MOGAT1: variants seen among roughly 807,000 people sequenced by gnomAD.
MOGAT1 encodes monoacylglycerol O-acyltransferase 1.
In MOGAT1, 32 loss-of-function variants were observed where a neutral mutation model predicts 31.4. The ratio of observed to expected loss-of-function variants is 1.02; its 90% confidence interval spans 0.77 to 1.37. The LOEUF (loss-of-function observed/expected upper bound fraction) is 1.37, where lower values mean the gene tolerates loss of function less well. MOGAT1 is among the 40% of genes most tolerant of loss of function. The pLI is 0.00. For synonymous variants in MOGAT1, 145 were observed against 144.5 expected, an observed-to-expected ratio of 1.00 and a Z score of -0.03; for missense variants, 426 against 402.0, an observed-to-expected ratio of 1.06 and a Z score of -0.51.
At chr2:222,678,532 A>G (rs1419187402) in intron 1 of MOGAT1, among the ~76,000 whole-genome samples, 2 of 152,298 alleles carry the variant, frequency 1.3e-5, no homozygotes, top group East Asian at 3.9e-4. Flanking sequence ...CAGTCTATGG[A>G]TTATCCTTTC....
intron 5 of MOGAT1, among the ~76,000 whole-genome samples, chr2:222,708,926 A>G (rs1398627293): frequency 6.6e-6 from 1 of 152,228 alleles, no homozygotes; most frequent in Non-Finnish European, 1.5e-5. Flanking sequence ...TTGAGACGTT[A>G]GCTGTTTTTC....
At chr2:222,685,406 C>T (rs530156566) in intron 1 of MOGAT1, among the ~76,000 whole-genome samples, 8 of 152,230 alleles carry the variant, frequency 5.3e-5, no homozygotes, top group African/African-American at 1.7e-4. Flanking sequence ...AGATCAAGAG[C>T]TCATAGAATT....
chr2:222,684,570 T>G (rs566554177), intron 1 of MOGAT1, among the ~76,000 whole-genome samples: 1 of 152,250 alleles, frequency 6.6e-6, no homozygotes, highest in East Asian at 1.9e-4. Flanking sequence ...TGCTTAGCCA[T>G]CCAGTATCTT....
intron 5 of MOGAT1, among the ~76,000 whole-genome samples, chr2:222,707,229 A>C (rs1210958719): frequency 1.3e-5 from 2 of 150,386 alleles, no homozygotes; most frequent in Non-Finnish European, 3.0e-5. Flanking sequence ...CAAGGAAGGA[A>C]GGAAGGAAGG....
At chr2:222,697,576 C>CTTT (rs35259095) in intron 5 of MOGAT1, among the ~76,000 whole-genome samples, 57 of 96,024 alleles carry the variant, frequency 5.9e-4, no homozygotes, top group East Asian at 1.2e-3. Flanking sequence ...TTATCAGAAT[C>CTTT]TTTTTTTTTT....
At chr2:222,700,972 A>T (rs1160006644) in intron 5 of MOGAT1, among the ~76,000 whole-genome samples, 1 of 152,166 alleles carries the variant, frequency 6.6e-6, no homozygotes, top group Non-Finnish European at 1.5e-5. Flanking sequence ...TTATTAACTT[A>T]AGTAAGCGCT....
In MOGAT1 at chr2:222,701,596, A is replaced by AAAAGAAAGAAAGGGAGGGAGGG. The variant is rs763465755; in HGVS notation, c.853+6309_853+6310insAAGAAAGAAAGGGAGGGAGGGA. Among the ~76,000 whole-genome samples the AAAAGAAAGAAAGGGAGGGAGGG allele has an allele frequency of 3.6e-5, 5 of 139,088 alleles. 1 individual carries two copies. Among genetic ancestry groups the AAAAGAAAGAAAGGGAGGGAGGG allele is most frequent in the African/African-American group, 1.4e-4 (5 of 35,822 alleles). 91.2% of individuals were successfully genotyped at this position (139,088 alleles called of 152,430 possible). A position where few individuals can be genotyped will look rare whatever the true frequency, so the allele number is the denominator to read the frequency against. On this transcript the variant is annotated intron_variant, in intron 5 of 5. Transcript: ENST00000446656. ...GAAAAGAAAGAAAAAGAAAGAAAGAAAGGGAGGGAGGGAGGGAGAGAAGAA... is the reference window on the plus strand; with the variant it reads ...GAAAAGAAAGAAAAAGAAAGAAAGAAAAAGAAAGAAAGGGAGGGAGGGAGGGAGGGAGGGAGGGAGAGAAGAA...
intron 5 of MOGAT1, among the ~76,000 whole-genome samples, chr2:222,708,142 G>A (rs182483600): frequency 5.0e-4 from 76 of 152,274 alleles, no homozygotes; most frequent in African/African-American, 1.8e-3. Flanking sequence ...AAAGTGCAGT[G>A]GCGCAATCCG....
intron 1 of MOGAT1, among the ~76,000 whole-genome samples, chr2:222,681,047 C>T (rs894766037): frequency 1.3e-5 from 2 of 152,130 alleles, no homozygotes; most frequent in Non-Finnish European, 2.9e-5. Context: ...AGCACTTAAG[C>T]GCTTTCAAGA....
At chr2:222,707,074 C>G (rs1219892572) in intron 5 of MOGAT1, among the ~76,000 whole-genome samples, 1 of 152,104 alleles carries the variant, frequency 6.6e-6, no homozygotes, top group Non-Finnish European at 1.5e-5. Flanking sequence ...TGCCTGTAAT[C>G]TCAGCTACTG....
At chr2:222,685,725 G>A (rs6728782) in intron 1 of MOGAT1, among the ~76,000 whole-genome samples, 26,027 of 149,882 alleles carry the variant, frequency 0.17, 3,079 homozygotes, top group African/African-American at 0.34. Context: ...CTCAACCTCC[G>A]AAATAGCTGG....
intron 5 of MOGAT1, among the ~76,000 whole-genome samples, chr2:222,696,782 G>A (rs1401350149): frequency 6.6e-6 from 1 of 152,184 alleles, no homozygotes; most frequent in African/African-American, 2.4e-5. Flanking sequence ...GCACACACCT[G>A]TATTCCTAGC....
intron 5 of MOGAT1, among the ~76,000 whole-genome samples, chr2:222,697,565 A>G (rs1333792324): frequency 6.7e-6 from 1 of 149,094 alleles, no homozygotes; most frequent in African/African-American, 2.5e-5. Context: ...AAGGGAGACA[A>G]TTATCAGAAT....
intron 5 of MOGAT1, 107 bp from the exon 6 acceptor site, chr2:222,709,629 T>A: frequency 1.0e-6 from 1 of 985,060 alleles, no homozygotes; most frequent in East Asian, 2.4e-5. Context: ...GTGAGCAGGC[T>A]GGAGGGATTC....
At chr2:222,680,591 T>G (rs2106032609) in intron 1 of MOGAT1, among the ~76,000 whole-genome samples, 1 of 152,246 alleles carries the variant, frequency 6.6e-6, no homozygotes, top group Non-Finnish European at 1.5e-5. Context: ...ATCAGAAGAA[T>G]TTACACTTAC....
At chr2:222,708,332 C>A (rs1048678384) in intron 5 of MOGAT1, among the ~76,000 whole-genome samples, 3 of 152,192 alleles carry the variant, frequency 2.0e-5, no homozygotes, top group African/African-American at 7.2e-5. Context: ...GATCCACCCG[C>A]CTCAGCCTCC....
intron 5 of MOGAT1, among the ~76,000 whole-genome samples, chr2:222,707,055 G>A (rs921521865): frequency 2.6e-5 from 4 of 152,084 alleles, no homozygotes; most frequent in African/African-American, 9.7e-5. Context: ...GGCTGGGCGT[G>A]GTGGCACATG....
intron 3 of MOGAT1, among the ~76,000 whole-genome samples, chr2:222,691,063 C>G (rs958397351): frequency 1.3e-5 from 2 of 152,154 alleles, no homozygotes; most frequent in African/African-American, 4.8e-5. Context: ...TTCTCCATAG[C>G]CTTATCAGAC....
chr2:222,684,025 G>T (rs1034941238), intron 1 of MOGAT1, among the ~76,000 whole-genome samples: 1 of 152,166 alleles, frequency 6.6e-6, no homozygotes, highest in Non-Finnish European at 1.5e-5. Flanking sequence ...ACCCTGAATT[G>T]CTTAATGAGA....
Sources: gnomAD v4.1 joint callset for allele counts (sites outside exome capture counted in the v4.1 genomes callset) on GRCh38, gnomAD v4.1.1 for gene constraint, MANE v1.5 for transcripts, NCBI Gene and HGNC (gene_info 2026-07-23, HGNC 2026-07-21) for gene names.